TSC22D1: variants seen among roughly 807,000 people sequenced by gnomAD.
The protein encoded by TSC22D1 is TSC22 domain family protein 1.
A neutral mutation model predicts 74.2 loss-of-function variants in TSC22D1; 9 were observed. The observed-to-expected ratio is 0.12, with a 90% CI of 0.07 to 0.21. The LOEUF (loss-of-function observed/expected upper bound fraction) is 0.21, where lower values mean the gene tolerates loss of function less well. TSC22D1 is among the 10% of genes least tolerant of loss of function. The probability of loss-of-function intolerance (pLI) is 1.00; values close to 1 mark genes in which losing one functional copy is unlikely to be tolerated. For missense variants in TSC22D1, 1,427 were observed against 1,304.7 expected (o/e 1.09, Z -1.44); for synonymous variants, 586 against 492.5 (o/e 1.19, Z -2.51).
At chr13:44,509,950 C>CAAAAAAAAAAAAAAAAAAAAAAATAAAAA in intron 1 of TSC22D1, among the ~76,000 whole-genome samples, 6 of 51,426 alleles carry the variant, frequency 1.2e-4, no homozygotes, top group Admixed American at 2.7e-4. Context: ...AGAAAATAAG[C>CAAAAAAAAAAAAAAAAAAAAAAATAAAAA]AAAAAAAAAA....
intron 1 of TSC22D1, among the ~76,000 whole-genome samples, chr13:44,507,922 C>CA (rs1491375727): frequency 6.6e-6 from 1 of 152,198 alleles, no homozygotes; most frequent in African/African-American, 2.4e-5. Flanking sequence ...CCTGGGGAAT[C>CA]ACAGGCAGCT....
intron 1 of TSC22D1, among the ~76,000 whole-genome samples, chr13:44,454,238 T>C (rs564956717): frequency 1.3e-5 from 2 of 152,262 alleles, no homozygotes; most frequent in Non-Finnish European, 2.9e-5. Context: ...TTATGTTATA[T>C]GAAGAGATTT....
rs67344848 is a variant in TSC22D1, at chr13:44,440,587, CAAAAAAA to C, written c.2913-4499_2913-4493del. ...TAGGCAACAGGGCAAGGCTCTGTCTCAAAAAAAAAAAAAAAAAAAAAAAGAATCGGAA... is the reference window on the plus strand; with the variant it reads ...TAGGCAACAGGGCAAGGCTCTGTCTCAAAAAAAAAAAAAAAAGAATCGGAA... On this transcript the variant is annotated intron_variant, in intron 1 of 2. Transcript: ENST00000458659. 5.6e-4 allele frequency among the ~76,000 whole-genome samples: 38 copies of C among 68,272 alleles called. No individual in the cohort carries two copies. The East Asian group carries it at 0.013, about 23-fold the overall frequency. 44.8% of individuals were successfully genotyped at this position (68,272 alleles called of 152,430 possible).
At position 44,560,168 on chromosome 13, in the gene TSC22D1, G is replaced by A. The variant is rs147884201; in HGVS notation, c.2912+12995C>T. Reference sequence around the variant, plus strand: ...AATCAGGCCAGGCACAGTGGCTCACGCCTGTAATCCCAGCACTTTGAGAGG... The same window carrying A: ...AATCAGGCCAGGCACAGTGGCTCACACCTGTAATCCCAGCACTTTGAGAGG... On this transcript the variant is annotated intron_variant, in intron 1 of 2. Coordinates refer to ENST00000458659, the MANE Select transcript of TSC22D1 (RefSeq NM_183422.4). Among the ~76,000 whole-genome samples, 309 of 151,758 alleles carry A rather than the reference G, an allele frequency of 2.0e-3. 11 individuals are homozygous for A. The East Asian group carries it at 0.051, about 25-fold the overall frequency.
chr13:44,536,612 T>C, intron 1 of TSC22D1: 1 of 480,470 alleles, frequency 2.1e-6, no homozygotes, highest in Non-Finnish European at 2.7e-6. Flanking sequence ...CAGCCATTAT[T>C]TTCAAATGTT....
In TSC22D1 at chr13:44,573,498, T is replaced by G. The variant is rs1157408633; in HGVS notation, c.2577A>C (p.Gln859His). 1 of 1,614,198 alleles carries G rather than the reference T, an allele frequency of 6.2e-7. No individual in the cohort carries two copies. Among genetic ancestry groups the G allele is most frequent in the South Asian group, 1.1e-5 (1 of 91,086 alleles). The change falls in exon 1 of 3, where the codon CAA becomes CAC. Residue 859 changes from glutamine to histidine, a missense_variant. Around this residue, in one of 3 missense-constraint regions of TSC22D1, gnomAD observed 1,343 missense variants for 1,191.5 expected, o/e 1.13. Coordinates refer to ENST00000458659, the MANE Select transcript of TSC22D1 (RefSeq NM_183422.4). ...TNLVPPQNIA[Q>H]TPATQNGNLV... ...AATTACCATTTTGGGTAGCAGGGGT[T>G]TGTGCTATATTTTGTGGTGGAACCA...
intron 1 of TSC22D1, among the ~76,000 whole-genome samples, chr13:44,459,657 A>T (rs528542474): frequency 2.0e-5 from 3 of 152,312 alleles, no homozygotes; most frequent in African/African-American, 7.2e-5. Context: ...GGGCTCCCCA[A>T]CCCAGGGCTG....
Position 44,575,824 on chromosome 13 carries a change from C to T in TSC22D1, c.251G>A (p.Ser84Asn). The T allele has an allele frequency of 6.2e-7, 1 of 1,614,046 alleles. No individual in the cohort carries two copies. Among genetic ancestry groups the T allele is most frequent in the Non-Finnish European group, 8.5e-7 (1 of 1,179,992 alleles). ...TSGPQPPPPQSLNLLSQAQLQ... is the reference protein window; with the variant it reads ...TSGPQPPPPQNLNLLSQAQLQ... Reference sequence around the variant, plus strand: ...CTGAGCCTGCGAAAGGAGGTTCAGGCTTTGTGGAGGCGGAGGCTGTGGTCC... The same window carrying T: ...CTGAGCCTGCGAAAGGAGGTTCAGGTTTTGTGGAGGCGGAGGCTGTGGTCC... Residue 84 changes from serine to asparagine, a missense_variant, in exon 1 of 3, where the codon AGC (serine) becomes AAC (asparagine). By Grantham distance (46) the Ser-to-Asn change is conservative (BLOSUM62 1). Coordinates refer to ENST00000458659, the MANE Select transcript of TSC22D1 (RefSeq NM_183422.4).
intron 1 of TSC22D1, among the ~76,000 whole-genome samples, chr13:44,443,464 A>C (rs982001706): frequency 1.3e-5 from 2 of 152,160 alleles, no homozygotes; most frequent in Non-Finnish European, 2.9e-5. Context: ...CAGATGAAAA[A>C]ACTAGATCTA....
intron 1 of TSC22D1, among the ~76,000 whole-genome samples, chr13:44,442,384 AAC>A (rs1211116354): frequency 1.9e-4 from 29 of 152,244 alleles, no homozygotes; most frequent in Admixed American, 6.5e-5. Context: ...GAACATTAAA[AAC>A]AGTTATAACT....
At chr13:44,477,800 G>A (rs1336988899) in intron 1 of TSC22D1, among the ~76,000 whole-genome samples, 1 of 151,800 alleles carries the variant, frequency 6.6e-6, no homozygotes. Context: ...GTGCCACCAC[G>A]CCTGGCTAAT....
At chr13:44,484,824 G>C (rs1163446220) in intron 1 of TSC22D1, among the ~76,000 whole-genome samples, 1 of 152,144 alleles carries the variant, frequency 6.6e-6, no homozygotes, top group African/African-American at 2.4e-5. Context: ...GCATATAAAG[G>C]ACTGATTACC....
At chr13:44,478,194 T>C (rs1026822876) in intron 1 of TSC22D1, among the ~76,000 whole-genome samples, 7 of 152,098 alleles carry the variant, frequency 4.6e-5, no homozygotes, top group Non-Finnish European at 1.0e-4. Context: ...GCCAGAAAAT[T>C]CTGCAAGCCT....
chr13:44,573,040 T>C (rs1350246388), intron 1 of TSC22D1, 123 bp downstream of exon 1: 3 of 1,386,868 alleles, frequency 2.2e-6, no homozygotes, highest in Non-Finnish European at 2.9e-6. Flanking sequence ...CCCATAAAAA[T>C]GCATTTTTCA....
intron 1 of TSC22D1, among the ~76,000 whole-genome samples, chr13:44,541,080 C>T (rs1057432540): frequency 6.6e-6 from 1 of 152,152 alleles, no homozygotes; most frequent in Non-Finnish European, 1.5e-5. Context: ...CTAGTTATCA[C>T]AAGGGTTCCT....
chr13:44,483,962 G>T (rs1198819397), intron 1 of TSC22D1, among the ~76,000 whole-genome samples: 3 of 152,076 alleles, frequency 2.0e-5, no homozygotes, highest in African/African-American at 7.2e-5. Flanking sequence ...TGCAACCAGG[G>T]CTCTTAAATT....
chr13:44,497,141 G>A (rs907863687), intron 1 of TSC22D1, among the ~76,000 whole-genome samples: 6 of 152,008 alleles, frequency 3.9e-5, no homozygotes, highest in Non-Finnish European at 8.8e-5. Flanking sequence ...GCCAAAAGGT[G>A]AAAACACCTC....
chr13:44,574,961 T>C lies in TSC22D1; in HGVS notation c.1114A>G (p.Ile372Val), dbSNP rs984383678. 2.5e-6 allele frequency: 4 copies of C among 1,613,886 alleles called. No homozygotes were observed. The highest frequency in any genetic ancestry group is 2.2e-5 in the East Asian group (1 of 44,880). ...NILSGMGNGTISSSAAVSSVP... is the reference protein window; with the variant it reads ...NILSGMGNGTVSSSAAVSSVP... ...CTGCTAACAGCAGCAGAGGAAGAAATAGTACCATTGCCCATGCCACTCAAG... is the reference window on the plus strand; with the variant it reads ...CTGCTAACAGCAGCAGAGGAAGAAACAGTACCATTGCCCATGCCACTCAAG... Residue 372 changes from isoleucine to valine, a missense_variant, in exon 1 of 3, where the codon ATT becomes GTT. Ile to Val is a conservative substitution (Grantham distance 29). This residue lies in a region of TSC22D1 where 1,343 missense variants were observed against 1,191.5 expected (regional missense o/e 1.13). Coordinates refer to ENST00000458659, the MANE Select transcript of TSC22D1 (RefSeq NM_183422.4).
intron 1 of TSC22D1, among the ~76,000 whole-genome samples, chr13:44,517,857 A>ATATATATTTTTT (rs10627677): frequency 5.6e-4 from 9 of 16,174 alleles, no homozygotes; most frequent in African/African-American, 1.5e-3. Context: ...ATATATATAT[A>ATATATATTTTTT]TTTTTTTTTT....
Sources: gnomAD v4.1 joint callset for allele counts (sites outside exome capture counted in the v4.1 genomes callset) on GRCh38, gnomAD v4.1.1 for gene constraint, gnomAD v4.1.1 regional missense constraint, MANE v1.5 for transcripts, NCBI Gene and HGNC (gene_info 2026-07-23, HGNC 2026-07-21) for gene names.